The following COG4 variants were observed in gnomAD, a reference collection of about 807,000 sequenced individuals.
COG4 encodes component of oligomeric golgi complex 4.
COG4 carries 65 observed loss-of-function variants against 95.1 expected under a neutral mutation model. The observed-to-expected ratio is 0.68, with a 90% CI of 0.56 to 0.84. The LOEUF (loss-of-function observed/expected upper bound fraction) is 0.84, where lower values mean the gene tolerates loss of function less well. COG4 is among the 40% of genes least tolerant of loss of function. The pLI, the probability that COG4 is intolerant of heterozygous loss-of-function variation, is 0.00. For missense variants in COG4, 1,045 were observed against 989.1 expected, an observed-to-expected ratio of 1.06 and a Z score of -0.76; for synonymous variants, 421 against 374.8, an observed-to-expected ratio of 1.12 and a Z score of -1.42.
rs17879608 is a variant in COG4 at position 70,481,160 on chromosome 16, T to C, written c.2236-16A>G. The C allele has an allele frequency of 5.9e-3, 9,567 of 1,613,006 alleles. 541 individuals are homozygous for C. The African/African-American group carries it at 0.11, about 19-fold the overall frequency. The stretch of plus-strand genomic sequence containing the variant: ...TCTCGGTCACCTGTGGGGAAGGACA[T>C]AGAGACCAGTCAGCAAGGTGGGGTT... On this transcript the variant is annotated splice_polypyrimidine_tract_variant and intron_variant, in intron 18 of 18. Coordinates refer to ENST00000323786, the MANE Select transcript of COG4 (RefSeq NM_015386.3).
intron 3 of COG4, among the ~76,000 whole-genome samples, chr16:70,514,715 C>A (rs946771057): frequency 2.0e-5 from 3 of 151,958 alleles, no homozygotes; most frequent in African/African-American, 7.3e-5. Context: ...GTGATCAAAT[C>A]ATTCTCTCTT....
intron 8 of COG4, among the ~76,000 whole-genome samples, chr16:70,502,658 T>C (rs1419426830): frequency 1.3e-5 from 2 of 152,038 alleles, no homozygotes; most frequent in Non-Finnish European, 2.9e-5. Flanking sequence ...CAATCTCTAA[T>C]TTAGCCCTGG....
Position 70,509,780 on chromosome 16 carries a change from A to C in COG4, c.844+136T>G, listed in dbSNP as rs2049659362. 2.6e-5 allele frequency: 19 copies of C among 729,378 alleles called. No homozygotes were observed. The South Asian group carries it at 2.9e-4, about 11-fold the overall frequency. The allele number at this position is 729,378 out of a possible 1,614,324, so 45.2% of individuals were successfully genotyped here. A position where few individuals can be genotyped will look rare whatever the true frequency, so the allele number is the denominator to read the frequency against. On this transcript the variant is annotated intron_variant, in intron 6 of 18. Transcript: ENST00000323786. ...CAGGCACTGAATCTGGAAGTTATTT[A>C]ATTCTCCAATCAATTAATACACAAT...
chr16:70,512,829 T>C (rs1437627143), intron 4 of COG4, among the ~76,000 whole-genome samples: 1 of 152,042 alleles, frequency 6.6e-6, no homozygotes, highest in African/African-American at 2.4e-5. Flanking sequence ...AATAGAAAAA[T>C]TAGCTGGGCA....
intron 9 of COG4, among the ~76,000 whole-genome samples, chr16:70,498,843 T>C (rs892574599): frequency 2.6e-5 from 4 of 152,236 alleles, no homozygotes; most frequent in African/African-American, 9.6e-5. Flanking sequence ...TAAGTTTCCA[T>C]GGCAAAGATA....
Position 70,481,017 on chromosome 16 carries a change from C to G in COG4, c.2363G>C (p.Arg788Pro). The change falls in exon 19 of 19, where the codon CGC (arginine) becomes CCC (proline). Residue 788 changes from arginine to proline, a missense_variant. Transcript: ENST00000323786. The part of the protein sequence containing the change: ...DFRSEDIKRL[R>P]L ...GTGTGCTCATCCAGGCAGCTACAGG[C>G]GCAGCCTCTTGATATCTTCACTGCG... 2.5e-6 allele frequency: 4 copies of G among 1,612,534 alleles called. No homozygotes were observed. The highest frequency in any genetic ancestry group is 3.4e-6 in the Non-Finnish European group (4 of 1,180,034).
At chr16:70,521,946 C>G (rs1454696073) in intron 1 of COG4, among the ~76,000 whole-genome samples, 3 of 151,498 alleles carry the variant, frequency 2.0e-5, no homozygotes, top group Non-Finnish European at 2.9e-5. Context: ...CGTGATCCAT[C>G]TGCCTCAGCC....
At chr16:70,484,085 G>C in intron 13 of COG4, 116 bp from the exon 14 acceptor site, 1 of 802,228 alleles carries the variant, frequency 1.2e-6, no homozygotes, top group Non-Finnish European at 2.1e-6. Context: ...GCCCGGATGG[G>C]TTTCAGAAAA....
In COG4 at chr16:70,502,119, T is replaced by A. The variant is rs989963022; in HGVS notation, c.1062-1028A>T. On this transcript the variant is annotated intron_variant, in intron 8 of 18. Transcript: ENST00000323786. ...CAACATGGTGAAACCCCATTTCTAC[T>A]AAAAATACAAAAATTAGCTGGGTGT... 2.0e-5 allele frequency among the ~76,000 whole-genome samples: 3 copies of A among 149,038 alleles called. No homozygotes were observed. In the Admixed American group the frequency reaches 2.0e-4, roughly 10 times the overall value.
intron 7 of COG4, chr16:70,508,724 T>C (rs1017518315): frequency 1.6e-6 from 1 of 634,524 alleles, no homozygotes; most frequent in African/African-American, 1.8e-5. Context: ...CTGTTTATAG[T>C]CTCCTAGTCT....
Position 70,509,388 on chromosome 16 carries a change from C to A in COG4, c.845G>T (p.Gly282Val), listed in dbSNP as rs148879257. ...GTGGGTCTCCACAATGCGGGCAATC[C>A]CTAGAAGGGAGGAAGCAATAGGGTT... ...FADTLTLLFE[G>V]IARIVETHQP... The change falls in exon 7 of 19, where the codon GGG becomes GTG. Residue 282 changes from glycine to valine, a missense_variant and splice_region_variant. Transcript: ENST00000323786. 4 of 1,614,036 alleles carry A rather than the reference C, an allele frequency of 2.5e-6. No homozygotes were observed. The highest frequency in any genetic ancestry group is 1.3e-5 in the African/African-American group (1 of 74,920).
chr16:70,484,524 G>C (rs1197579621), intron 13 of COG4, among the ~76,000 whole-genome samples: 1 of 152,100 alleles, frequency 6.6e-6, no homozygotes, highest in East Asian at 1.9e-4. Context: ...TTTTGGTATG[G>C]CTACCAAAGG....
intron 1 of COG4, among the ~76,000 whole-genome samples, chr16:70,521,241 G>A (rs1160017181): frequency 6.7e-6 from 1 of 150,340 alleles, no homozygotes; most frequent in Non-Finnish European, 1.5e-5. Context: ...TTTTTGAGAC[G>A]AGTTTCGCTC....
At chr16:70,499,877 G>A (rs1383246580) in intron 9 of COG4, among the ~76,000 whole-genome samples, 2 of 152,138 alleles carry the variant, frequency 1.3e-5, no homozygotes, top group Admixed American at 6.5e-5. Context: ...AGCCAGGACG[G>A]TCTTGATCTC....
chr16:70,484,080 G>T, intron 13 of COG4, 111 bp from the exon 14 acceptor site: 1 of 834,406 alleles, frequency 1.2e-6, no homozygotes, highest in Non-Finnish European at 2.0e-6. Context: ...CAAGAGCCCG[G>T]ATGGGTTTCA....
intron 7 of COG4, chr16:70,508,720 A>G: frequency 1.6e-6 from 1 of 638,706 alleles, no homozygotes; most frequent in Non-Finnish European, 2.9e-6. Flanking sequence ...ACTACTGTTT[A>G]TAGTCTCCTA....
intron 4 of COG4, among the ~76,000 whole-genome samples, chr16:70,513,132 TAGA>T (rs1199414889): frequency 1.3e-5 from 2 of 152,118 alleles, no homozygotes; most frequent in Non-Finnish European, 2.9e-5. Flanking sequence ...AAGACATGAA[TAGA>T]AGCAGAAAGA....
intron 8 of COG4, 150 bp from the exon 9 acceptor site, chr16:70,501,241 T>C: frequency 1.3e-6 from 1 of 756,628 alleles, no homozygotes; most frequent in Non-Finnish European, 2.2e-6. Context: ...GCTGGCCCAA[T>C]TAGAATCAGA....
In COG4 at chr16:70,481,358, C is replaced by T. The variant is rs1407921215; in HGVS notation, c.2235+1G>A. The T allele has an allele frequency of 1.2e-5, 20 of 1,612,676 alleles. No individual in the cohort carries two copies. The highest frequency in any genetic ancestry group is 4.5e-5 in the East Asian group (2 of 44,864). ...GGCTGGGCCAAGGGTGCCCCACCTA[C>T]CCGCTCCAGATTGAGGATGGTGGCC... On this transcript the variant is annotated splice_donor_variant, in intron 18 of 18. Coordinates refer to ENST00000323786, the MANE Select transcript of COG4 (RefSeq NM_015386.3). LOFTEE classifies it high-confidence loss of function.
Sources: allele counts gnomAD v4.1 joint callset (sites outside exome capture counted in the v4.1 genomes callset), GRCh38; gene constraint gnomAD v4.1.1; transcripts MANE v1.5; gene names NCBI Gene and HGNC (gene_info 2026-07-23, HGNC 2026-07-21).